Variants in GDAP1 observed in about 807,000 individuals in gnomAD.
The protein encoded by GDAP1 is ganglioside induced differentiation associated protein 1, also known as ganglioside-induced differentiation-associated protein 1.
GDAP1 carries 34 observed loss-of-function variants against 40.1 expected under a neutral mutation model. The ratio of observed to expected loss-of-function variants is 0.85; its 90% CI spans 0.64 to 1.13. The LOEUF is 1.13. GDAP1 is among the 50% of genes most tolerant of loss of function. The probability of loss-of-function intolerance (pLI) is 0.00; values close to 1 mark genes in which losing one functional copy is unlikely to be tolerated. For synonymous variants in GDAP1, 170 were observed against 157.4 expected, an observed-to-expected ratio of 1.08 and a Z score of -0.60; for missense variants, 374 against 433.7, an observed-to-expected ratio of 0.86 and a Z score of 1.22.
chr8:74,409,677 T>C (rs1805684085), intron 2 of GDAP1, among the ~76,000 whole-genome samples: 1 of 149,978 alleles, frequency 6.7e-6, no homozygotes, highest in South Asian at 2.1e-4. Flanking sequence ...CAGGAAATCA[T>C]TCATGAGGCC....
intron 2 of GDAP1, among the ~76,000 whole-genome samples, chr8:74,379,234 T>C (rs1809910522): frequency 1.3e-5 from 2 of 150,362 alleles, no homozygotes; most frequent in Non-Finnish European, 3.0e-5. Context: ...TCCTGGTATG[T>C]GGAGTAAGAG....
intron 2 of GDAP1, among the ~76,000 whole-genome samples, chr8:74,393,352 CTCT>C (rs1810141003): frequency 6.6e-6 from 1 of 152,088 alleles, no homozygotes. Flanking sequence ...CACTGTTTTC[CTCT>C]TCTTTTGCTG....
At chr8:74,360,731 G>A (rs780782697) in intron 3 of GDAP1, among the ~76,000 whole-genome samples, 1 of 152,226 alleles carries the variant, frequency 6.6e-6, no homozygotes, top group East Asian at 1.9e-4. Flanking sequence ...ACTAGAGGGT[G>A]TCTAACTATT....
At chr8:74,407,666 A>G (rs1169758714) in intron 2 of GDAP1, among the ~76,000 whole-genome samples, 3 of 148,746 alleles carry the variant, frequency 2.0e-5, no homozygotes, top group Non-Finnish European at 4.4e-5. Context: ...TCATATATCT[A>G]TATATTCTAT....
Position 74,390,587 on chromosome 8 carries a change from C to T in GDAP1, c.165+39266C>T, listed in dbSNP as rs372220055. 9.2e-5 allele frequency among the ~76,000 whole-genome samples: 14 copies of T among 152,278 alleles called. No individual in the cohort carries two copies. In the South Asian group the frequency reaches 2.7e-3, roughly 29 times the overall value. On this transcript the variant is annotated intron_variant, in intron 2 of 2. Coordinates refer to the GDAP1 transcript ENST00000523640. ...CAGAGGGGCACCCGCCAGATGCCAG[C>T]CAGAGCTCTCTCCAGTATGAGATGT...
chr8:74,463,712 G>A (rs1162754807), intron 2 of GDAP1, among the ~76,000 whole-genome samples: 2 of 152,258 alleles, frequency 1.3e-5, no homozygotes, highest in Admixed American at 6.5e-5. Flanking sequence ...TAAGACATAG[G>A]TAGAGAAACT....
intron 2 of GDAP1, among the ~76,000 whole-genome samples, chr8:74,406,479 ACAT>A (rs879745667): frequency 5.3e-5 from 8 of 150,288 alleles, no homozygotes; most frequent in Non-Finnish European, 1.0e-4. Context: ...CTGGTCTGAA[ACAT>A]CAGCTCTGCC....
At chr8:74,417,757 CAAAAAAAAAAAAAAA>C in intron 2 of GDAP1, among the ~76,000 whole-genome samples, 1 of 75,938 alleles carries the variant, frequency 1.3e-5, no homozygotes, top group Non-Finnish European at 2.4e-5. Flanking sequence ...AACTCCATCT[CAAAAAAAAAAAAAAA>C]AAAAAAAGGA....
chr8:74,441,754 T>C (rs1242826700), intron 2 of GDAP1, among the ~76,000 whole-genome samples: 1 of 152,208 alleles, frequency 6.6e-6, no homozygotes, highest in Non-Finnish European at 1.5e-5. Flanking sequence ...TAAATTATAA[T>C]CTAATATAGT....
Position 74,356,448 on chromosome 8 carries a change from T to C in GDAP1, c.311-3689T>C, listed in dbSNP as rs78721364. 7.0e-3 allele frequency among the ~76,000 whole-genome samples: 1,059 copies of C among 152,202 alleles called. 11 individuals are homozygous for C. Among genetic ancestry groups the C allele is most frequent in the African/African-American group, 0.024 (1,010 of 41,552 alleles). ...CATTTAATGTATAGTGCATAAAATT[T>C]ATTGACAATAATGCTATAAATTTGT... On this transcript the variant is annotated intron_variant, in intron 2 of 5. Transcript: ENST00000220822.
At chr8:74,434,111 G>T (rs1249310160) in intron 2 of GDAP1, among the ~76,000 whole-genome samples, 1 of 152,208 alleles carries the variant, frequency 6.6e-6, no homozygotes, top group African/African-American at 2.4e-5. Flanking sequence ...TATTAAACCT[G>T]AGGATGGTCT....
At chr8:74,475,681 C>T (rs188613754) in intron 2 of GDAP1, among the ~76,000 whole-genome samples, 4 of 152,120 alleles carry the variant, frequency 2.6e-5, no homozygotes, top group Admixed American at 2.6e-4. Context: ...TTTGCATTTG[C>T]TGAGGATTGT....
intron 2 of GDAP1, among the ~76,000 whole-genome samples, chr8:74,394,880 A>G (rs1040198850): frequency 3.3e-5 from 5 of 152,148 alleles, no homozygotes; most frequent in African/African-American, 4.8e-5. Context: ...TCATGTCAGG[A>G]AGTAAAATTG....
At chr8:74,468,146 G>A (rs1213397618) in intron 2 of GDAP1, among the ~76,000 whole-genome samples, 7 of 151,732 alleles carry the variant, frequency 4.6e-5, no homozygotes, top group African/African-American at 1.5e-4. Flanking sequence ...TTACATACAA[G>A]CACCATACTC....
At chr8:74,438,789 T>A (rs1403490546) in intron 2 of GDAP1, among the ~76,000 whole-genome samples, 1 of 151,956 alleles carries the variant, frequency 6.6e-6, no homozygotes. Context: ...TTTGTAGAGA[T>A]GGAGATCTTG....
In GDAP1 at chr8:74,365,937, G is replaced by C. The variant is rs886063114; in HGVS notation, c.*1570G>C. 13 of 453,342 alleles carry C rather than the reference G, an allele frequency of 2.9e-5. No homozygotes were observed. The highest frequency in any genetic ancestry group is 4.0e-5 in the Non-Finnish European group (9 of 226,652). 28.1% of individuals were successfully genotyped at this position (453,342 alleles called of 1,614,324 possible). A position where few individuals can be genotyped will look rare whatever the true frequency, so the allele number is the denominator to read the frequency against. The stretch of plus-strand genomic sequence containing the variant: ...GACATACCAATCCATGTATTCATTA[G>C]AGCCATAGAAGTTATTATTCATTAG... On this transcript the variant is annotated 3_prime_UTR_variant, in exon 6 of 6. Coordinates refer to ENST00000220822, the MANE Select transcript of GDAP1 (RefSeq NM_018972.4).
At chr8:74,424,249 G>T (rs1171643474) in intron 2 of GDAP1, among the ~76,000 whole-genome samples, 1 of 152,042 alleles carries the variant, frequency 6.6e-6, no homozygotes, top group Admixed American at 6.6e-5. Context: ...ACAAGAAAAA[G>T]AGTCCATACA....
chr8:74,425,617 C>T (rs1805938322), intron 2 of GDAP1, among the ~76,000 whole-genome samples: 1 of 152,148 alleles, frequency 6.6e-6, no homozygotes, highest in African/African-American at 2.4e-5. Context: ...AACTAAAGTG[C>T]AGTTTCTTTG....
chr8:74,378,872 A>G (rs757311195), intron 2 of GDAP1, among the ~76,000 whole-genome samples: 2 of 152,212 alleles, frequency 1.3e-5, no homozygotes, highest in Non-Finnish European at 2.9e-5. Flanking sequence ...AGTACATACT[A>G]GCAGCATGAT....
Sources: allele counts gnomAD v4.1 joint callset (sites outside exome capture counted in the v4.1 genomes callset), GRCh38; gene constraint gnomAD v4.1.1; transcripts MANE v1.5; gene names NCBI Gene and HGNC (gene_info 2026-07-23, HGNC 2026-07-21).